Variants in FLT4 observed in about 807,000 individuals in gnomAD.
FLT4 encodes the protein vascular endothelial growth factor receptor 3.
Under a neutral mutation model 163.2 loss-of-function variants are expected in FLT4, and 30 were observed. That is an observed-to-expected ratio of 0.18 (90% CI 0.14 to 0.25). The LOEUF (loss-of-function observed/expected upper bound fraction) is 0.25, where lower values mean the gene tolerates loss of function less well. FLT4 is among the 10% of genes least tolerant of loss of function. The pLI is 1.00. For synonymous variants in FLT4, 884 were observed against 789.5 expected (o/e 1.12, Z -2.01); for missense variants, 1,510 against 1,863.8 (o/e 0.81, Z 3.50).
intron 1 of FLT4, among the ~76,000 whole-genome samples, chr5:180,638,056 C>T (rs904936231): frequency 6.6e-5 from 10 of 152,122 alleles, no homozygotes; most frequent in Non-Finnish European, 1.3e-4. Flanking sequence ...GATAGGGAGC[C>T]GCGCATGCTC....
intron 24 of FLT4, chr5:180,613,400 T>C (rs911882660): frequency 2.2e-5 from 9 of 407,320 alleles, no homozygotes; most frequent in Non-Finnish European, 3.9e-5. Context: ...TCATGGTTAC[T>C]GGATCATCAG....
intron 1 of FLT4, among the ~76,000 whole-genome samples, chr5:180,642,071 G>T (rs1299496691): frequency 6.6e-6 from 1 of 152,102 alleles, no homozygotes; most frequent in East Asian, 1.9e-4. Context: ...GCCCAGTGTG[G>T]TGGCGGGCGC....
At chr5:180,627,623 GA>G in intron 8 of FLT4, among the ~76,000 whole-genome samples, 1 of 152,326 alleles carries the variant, frequency 6.6e-6, no homozygotes, top group East Asian at 1.9e-4. Flanking sequence ...GGCACCACAG[GA>G]AGGGTGGGTG....
At chr5:180,627,127 G>A (rs1763685561) in intron 8 of FLT4, among the ~76,000 whole-genome samples, 1 of 152,344 alleles carries the variant, frequency 6.6e-6, no homozygotes, top group East Asian at 1.9e-4. Flanking sequence ...ACCTGTCTCT[G>A]TGGCCTGGAC....
intron 29 of FLT4, among the ~76,000 whole-genome samples, chr5:180,604,072 A>G (rs1332185002): frequency 6.6e-6 from 1 of 152,104 alleles, no homozygotes; most frequent in African/African-American, 2.4e-5. Context: ...ACCACCAAGG[A>G]CACAGTGGAG....
chr5:180,604,347 T>A (rs1761674087), intron 29 of FLT4, among the ~76,000 whole-genome samples: 1 of 152,148 alleles, frequency 6.6e-6, no homozygotes, highest in African/African-American at 2.4e-5. Flanking sequence ...TCAAAGCCAA[T>A]CCATCCAGAA....
upstream of FLT4, among the ~76,000 whole-genome samples, chr5:180,650,142 C>T (rs1483532470): frequency 2.2e-5 from 3 of 138,346 alleles, no homozygotes; most frequent in African/African-American, 8.1e-5. Context: ...GAGCCGAGAT[C>T]GCGCCACTGC....
chr5:180,624,988 G>A (rs1055582625), intron 10 of FLT4, among the ~76,000 whole-genome samples: 10 of 152,214 alleles, frequency 6.6e-5, no homozygotes, highest in African/African-American at 2.4e-4. Context: ...TGAGCTGCAT[G>A]CCGCACGATC....
intron 1 of FLT4, among the ~76,000 whole-genome samples, chr5:180,648,322 T>C (rs1765579325): frequency 6.6e-6 from 1 of 152,174 alleles, no homozygotes; most frequent in African/African-American, 2.4e-5. Flanking sequence ...CCAGTGGACA[T>C]ACAGGTGGTG....
At chr5:180,649,412 C>T in intron 1 of FLT4, 76 bp downstream of exon 1, 1 of 1,156,440 alleles carries the variant, frequency 8.6e-7, no homozygotes, top group Non-Finnish European at 1.2e-6. Flanking sequence ...GCGGTCTCAG[C>T]GCCCGCCCCA....
intron 29 of FLT4, among the ~76,000 whole-genome samples, chr5:180,605,473 C>T (rs1761737190): frequency 6.6e-6 from 1 of 151,970 alleles, no homozygotes; most frequent in Non-Finnish European, 1.5e-5. Flanking sequence ...AGTTTTAACT[C>T]TAATACTGTC....
chr5:180,621,413 C>T (rs1030362193), intron 13 of FLT4, 129 bp downstream of exon 13: 4 of 1,455,790 alleles, frequency 2.7e-6, no homozygotes, highest in Non-Finnish European at 3.7e-6. Context: ...GGCGGATAGT[C>T]AGGAGGGGTA....
Position 180,622,712 on chromosome 5 carries a change from C to A in FLT4, c.1657+19G>T. 4 of 1,518,634 alleles carry A rather than the reference C, an allele frequency of 2.6e-6. No individual in the cohort carries two copies. Among genetic ancestry groups the A allele is most frequent in the Non-Finnish European group, 3.7e-6 (4 of 1,093,884 alleles). The allele number at this position is 1,518,634 out of a possible 1,614,324, so 94.1% of individuals were successfully genotyped here. A position where few individuals can be genotyped will look rare whatever the true frequency, so the allele number is the denominator to read the frequency against. Reference sequence around the variant, plus strand: ...CTGACCCTGTACCCAGGCCTCCCCGCCCTGGTCTGGTCACTCACTGGTCAC... The same window carrying A: ...CTGACCCTGTACCCAGGCCTCCCCGACCTGGTCTGGTCACTCACTGGTCAC... On this transcript the variant is annotated intron_variant, in intron 12 of 29. Transcript: ENST00000261937.
At chr5:180,614,025 G>T in intron 24 of FLT4, 43 bp downstream of exon 24, 1 of 1,375,362 alleles carries the variant, frequency 7.3e-7, no homozygotes, top group Non-Finnish European at 1.0e-6. Context: ...TGCCGCCAGT[G>T]ACCTCGCCTC....
In FLT4 at chr5:180,621,737, C is replaced by G. The variant is rs144803521; in HGVS notation, c.1825G>C (p.Asp609His). Residue 609 changes from aspartate (D) to histidine (H), a missense_variant, in exon 13 of 30, where the codon GAC (aspartate) becomes CAC (histidine). Around this residue, in one of 5 missense-constraint regions of FLT4, gnomAD observed 878 missense variants for 1,016.7 expected, o/e 0.86. Transcript: ENST00000261937. ...GCGAACAGATGCACGTTCTTGCAGT[C>G]GAGCAGAAGCGGGTTCCCGTGCGCA... ...HDAHGNPLLL[D>H]CKNVHLFATP... is the part of the protein sequence containing the mutation. The G allele has an allele frequency of 5.0e-6, 8 of 1,613,014 alleles. No homozygotes were observed. In the East Asian group the frequency reaches 1.1e-4, roughly 22 times the overall value.
intron 29 of FLT4, among the ~76,000 whole-genome samples, chr5:180,606,914 AAC>A (rs1333518734): frequency 6.3e-5 from 9 of 143,688 alleles, no homozygotes; most frequent in South Asian, 2.3e-4. Context: ...AAAAAAAAAA[AAC>A]AAACAAACAA....
chr5:180,619,863 G>A (rs1284298342), intron 17 of FLT4, 94 bp from the exon 18 acceptor site: 7 of 923,624 alleles, frequency 7.6e-6, no homozygotes, highest in African/African-American at 3.3e-5. Context: ...GGTCCAGGAG[G>A]ACAGGCCTGG....
rs377603682 is a variant in FLT4, at chr5:180,620,313, G to C, written c.2407-5C>G. ...CTTGATGTCTGCGTGGGCCGGCTGC[G>C]GGGAGGGGACAGGGAGGAGTGGGGC... On this transcript the variant is annotated splice_polypyrimidine_tract_variant and splice_region_variant and intron_variant, in intron 16 of 29. Transcript: ENST00000261937. The surrounding 1 kb of genome is among the most constrained non-coding windows in gnomAD (Gnocchi z 4.4). 6.2e-7 allele frequency: 1 copy of C among 1,610,738 alleles called. No homozygotes were observed. Among genetic ancestry groups the C allele is most frequent in the South Asian group, 1.1e-5 (1 of 91,076 alleles).
At chr5:180,624,177 C>G (rs529883998) in intron 10 of FLT4, 116 bp from the exon 11 acceptor site, 1 of 1,219,702 alleles carries the variant, frequency 8.2e-7, no homozygotes, top group Admixed American at 1.9e-5. Context: ...GGGTCGTGGG[C>G]GAGGCTGGCC....
Sources: gnomAD v4.1 joint callset for allele counts (sites outside exome capture counted in the v4.1 genomes callset) on GRCh38, gnomAD v4.1.1 for gene constraint, gnomAD v4.1.1 regional missense constraint, Gnocchi (gnomAD v3.1) non-coding constraint, MANE v1.5 for transcripts, NCBI Gene and HGNC (gene_info 2026-07-23, HGNC 2026-07-21) for gene names.